Variants in CAMTA1 observed in about 807,000 individuals in gnomAD.
The protein encoded by CAMTA1 is calmodulin binding transcription activator 1, also known as calmodulin-binding transcription activator 1.
Under a neutral mutation model 170.9 loss-of-function variants are expected in CAMTA1, and 27 were observed. That is an observed-to-expected ratio of 0.16 (90% CI 0.12 to 0.22). CAMTA1 has a LOEUF of 0.22. CAMTA1 is among the 10% of genes least tolerant of loss of function. CAMTA1 has a pLI of 1.00. For synonymous variants in CAMTA1, 833 were observed against 891.5 expected (o/e 0.93, Z 1.17); for missense variants, 1,619 against 2,217.2 (o/e 0.73, Z 5.42).
At chr1:6,862,857 GT>G (rs1302433092) in intron 3 of CAMTA1, among the ~76,000 whole-genome samples, 3 of 151,982 alleles carry the variant, frequency 2.0e-5, no homozygotes, top group South Asian at 4.2e-4. Context: ...CTTTTCCCTT[GT>G]TTTGGAAAGA....
chr1:7,097,848 G>A (rs2148205354), intron 4 of CAMTA1, among the ~76,000 whole-genome samples: 1 of 152,298 alleles, frequency 6.6e-6, no homozygotes, highest in South Asian at 2.1e-4. Flanking sequence ...GGGCTGGGGT[G>A]GAGGGAGGGA....
At chr1:6,904,733 ATTTTTTTTTTTTTTTT>A (rs70984036) in intron 3 of CAMTA1, among the ~76,000 whole-genome samples, 24 of 71,000 alleles carry the variant, frequency 3.4e-4, no homozygotes, top group Admixed American at 7.9e-4. Context: ...TGCCCAGCTA[ATTTTTTTTTTTTTTTT>A]TTTTTTTTTT....
intron 3 of CAMTA1, among the ~76,000 whole-genome samples, chr1:7,068,615 A>G (rs1224933484): frequency 6.6e-6 from 1 of 151,716 alleles, no homozygotes; most frequent in Admixed American, 6.6e-5. Context: ...TCCATTTATA[A>G]ATAATCTGGA....
Position 7,534,388 on chromosome 1 carries a change from G to GT in CAMTA1, c.510+66487_510+66488insT, listed in dbSNP as rs1295238222. ...TCCTGACACCCCGGGGCCACACGGG[G>GT]AGAGCTTGCTGCAGACCCGGGGAGG... On this transcript the variant is annotated intron_variant, in intron 6 of 22. Transcript: ENST00000303635. This position sits in a 1 kb window ranked among gnomAD's most constrained non-coding sequence, Gnocchi z 5.6. 5.9e-5 allele frequency among the ~76,000 whole-genome samples: 9 copies of GT among 152,192 alleles called. No homozygotes were observed. Among genetic ancestry groups the GT allele is most frequent in the African/African-American group, 2.2e-4 (9 of 41,450 alleles).
chr1:7,237,939 A>G (rs1664183731), intron 4 of CAMTA1, among the ~76,000 whole-genome samples: 1 of 152,258 alleles, frequency 6.6e-6, no homozygotes, highest in South Asian at 2.1e-4. Flanking sequence ...CCTATTCACT[A>G]AAACAGAGAG....
At chr1:7,405,278 C>T (rs1443634394) in intron 5 of CAMTA1, among the ~76,000 whole-genome samples, 1 of 152,194 alleles carries the variant, frequency 6.6e-6, no homozygotes, top group Non-Finnish European at 1.5e-5. Flanking sequence ...CCTAGTGTCA[C>T]CTCCTCCAGG....
intron 6 of CAMTA1, among the ~76,000 whole-genome samples, chr1:7,491,032 G>A (rs183764104): frequency 6.6e-6 from 1 of 152,318 alleles, no homozygotes; most frequent in Admixed American, 6.5e-5. Flanking sequence ...GAATTTGTGT[G>A]AGTTTTGTTG....
At position 7,690,667 on chromosome 1, in the gene CAMTA1, G is replaced by A. The variant is rs1227363937; in HGVS notation, c.2914+12934G>A. 2.0e-5 allele frequency among the ~76,000 whole-genome samples: 3 copies of A among 152,254 alleles called. No individual in the cohort carries two copies. The East Asian group carries it at 5.8e-4, about 29-fold the overall frequency. On this transcript the variant is annotated intron_variant, in intron 11 of 22. Transcript: ENST00000303635. ...GCTGACATCTGCACATGCACCACCT[G>A]CCAGGACCTGGCCATGAAGTACTGA...
chr1:7,524,993 C>T (rs2094413917), intron 6 of CAMTA1, among the ~76,000 whole-genome samples: 1 of 152,172 alleles, frequency 6.6e-6, no homozygotes, highest in Non-Finnish European at 1.5e-5. Flanking sequence ...TTCAGCAAGG[C>T]CTGCACCCTG....
At chr1:7,123,751 C>G (rs1644777305) in intron 4 of CAMTA1, among the ~76,000 whole-genome samples, 2 of 152,176 alleles carry the variant, frequency 1.3e-5, no homozygotes, top group Non-Finnish European at 2.9e-5. Flanking sequence ...GTTGTCACCC[C>G]CACAGCCCCT....
chr1:7,739,202 C>G (rs1194466274), intron 16 of CAMTA1, among the ~76,000 whole-genome samples: 1 of 149,548 alleles, frequency 6.7e-6, no homozygotes, highest in Non-Finnish European at 1.5e-5. Context: ...CAACCTAAAA[C>G]AAACGTAAAA....
intron 4 of CAMTA1, among the ~76,000 whole-genome samples, chr1:7,104,088 A>G (rs1057025993): frequency 6.7e-6 from 1 of 148,904 alleles, no homozygotes; most frequent in African/African-American, 2.5e-5. Flanking sequence ...TGTACACACA[A>G]CACACATACA....
At chr1:7,218,891 G>A (rs1190272940) in intron 4 of CAMTA1, among the ~76,000 whole-genome samples, 2 of 152,004 alleles carry the variant, frequency 1.3e-5, no homozygotes, top group East Asian at 3.9e-4. Flanking sequence ...TCTTCTTGTT[G>A]ATCTGTGTAG....
intron 5 of CAMTA1, among the ~76,000 whole-genome samples, chr1:7,416,987 C>G (rs1395493253): frequency 7.0e-6 from 1 of 141,952 alleles, no homozygotes; most frequent in Non-Finnish European, 1.5e-5. Context: ...AGACAGGACC[C>G]TCAGCTGCAG....
chr1:7,759,569 G>T (rs2150266066), intron 22 of CAMTA1, among the ~76,000 whole-genome samples: 1 of 152,168 alleles, frequency 6.6e-6, no homozygotes, highest in African/African-American at 2.4e-5. Context: ...GTTTAGGAGA[G>T]AACTTTTGTT....
In CAMTA1 at chr1:7,685,275, T is replaced by A. The variant is rs1383042253; in HGVS notation, c.2914+7542T>A. On this transcript the variant is annotated intron_variant, in intron 11 of 22. Transcript: ENST00000303635. The surrounding 1 kb of genome is among the most constrained non-coding windows in gnomAD (Gnocchi z 5.7). ...ACGTATTTAGGGAAGGATGCAGATA[T>A]GGGAAAGATCAGTTCCTGGCTTGGA... 6.6e-6 allele frequency among the ~76,000 whole-genome samples: 1 copy of A among 152,180 alleles called. No individual in the cohort carries two copies. Among genetic ancestry groups the A allele is most frequent in the African/African-American group, 2.4e-5 (1 of 41,432 alleles).
At chr1:7,287,912 C>A (rs2149487873) in intron 5 of CAMTA1, among the ~76,000 whole-genome samples, 1 of 152,314 alleles carries the variant, frequency 6.6e-6, no homozygotes, top group Admixed American at 6.5e-5. Flanking sequence ...ACCTTCATTT[C>A]ATTGGCCAGA....
chr1:6,950,582 T>C (rs1688309666), intron 3 of CAMTA1, among the ~76,000 whole-genome samples: 1 of 152,120 alleles, frequency 6.6e-6, no homozygotes, highest in South Asian at 2.1e-4. Context: ...ACCTGGCTGA[T>C]GGAGTATTGT....
rs1338736419 is a variant in CAMTA1 at position 7,007,480 on chromosome 1, C to G, written c.235-83824C>G. 6.6e-6 allele frequency among the ~76,000 whole-genome samples: 1 copy of G among 152,162 alleles called. No individual in the cohort carries two copies. The highest frequency in any genetic ancestry group is 2.4e-5 in the African/African-American group (1 of 41,434). On this transcript the variant is annotated intron_variant, in intron 3 of 22. Coordinates refer to ENST00000303635, the MANE Select transcript of CAMTA1 (RefSeq NM_015215.4). This position sits in a 1 kb window ranked among gnomAD's most constrained non-coding sequence, Gnocchi z 4.5. ...CTTCCCTCGCCTCGAGAACCCCAAG[C>G]GAATTCCCACTTCCCACAGGAAGTA...
Sources: gnomAD v4.1 joint callset for allele counts (sites outside exome capture counted in the v4.1 genomes callset) on GRCh38, gnomAD v4.1.1 for gene constraint, Gnocchi (gnomAD v3.1) non-coding constraint, MANE v1.5 for transcripts, NCBI Gene and HGNC (gene_info 2026-07-23, HGNC 2026-07-21) for gene names.